The following PAXIP1 variants were observed in gnomAD, a reference collection of about 807,000 sequenced individuals.
The protein encoded by PAXIP1 is PAX interacting protein 1, also known as PAX-interacting protein 1.
PAXIP1 carries 19 observed loss-of-function variants against 140.6 expected under a neutral mutation model. That is an observed-to-expected ratio of 0.14 (90% confidence interval 0.09 to 0.20). The LOEUF (loss-of-function observed/expected upper bound fraction) is 0.20. PAXIP1 is among the 10% of genes least tolerant of loss of function. The pLI, the probability that PAXIP1 is intolerant of heterozygous loss-of-function variation, is 1.00. For synonymous variants in PAXIP1, 442 were observed against 444.6 expected, an observed-to-expected ratio of 0.99 and a Z score of 0.07; for missense variants, 920 against 1,208.6, an observed-to-expected ratio of 0.76 and a Z score of 3.54.
In PAXIP1 at chr7:155,002,850, T is replaced by C; in HGVS notation, c.80A>G (p.Gln27Arg). 2 of 1,386,564 alleles carry C rather than the reference T, an allele frequency of 1.4e-6. No individual in the cohort carries two copies. The highest frequency in any genetic ancestry group is 9.5e-7 in the Non-Finnish European group (1 of 1,050,106). 85.9% of individuals were successfully genotyped at this position (1,386,564 alleles called of 1,614,324 possible). A position where few individuals can be genotyped will look rare whatever the true frequency, so the allele number is the denominator to read the frequency against. The change falls in exon 1 of 21, where the codon CAG becomes CGG. Residue 27 changes from glutamine (Q) to arginine (R), a missense_variant and splice_region_variant. Coordinates refer to ENST00000404141, the MANE Select transcript of PAXIP1 (RefSeq NM_007349.4). ...CCGCGGCAGGGGCGGGCGCGGTACCTGCGGGTCGATGTCGCCCACCGCGTA... is the reference window on the plus strand; with the variant it reads ...CCGCGGCAGGGGCGGGCGCGGTACCCGCGGGTCGATGTCGCCCACCGCGTA... ...KYYAVGDIDPQVIQLLKAGKA... is the reference protein window; with the variant it reads ...KYYAVGDIDPRVIQLLKAGKA...
intron 16 of PAXIP1, chr7:154,949,246 TTCC>T (rs1017166475): frequency 1.5e-4 from 23 of 152,324 alleles, no homozygotes; most frequent in African/African-American, 5.3e-4. Flanking sequence ...CTCCTGCATA[TTCC>T]TCTTCTCTTT....
chr7:155,001,331 G>A (rs1810876478), intron 1 of PAXIP1: 1 of 151,792 alleles, frequency 6.6e-6, no homozygotes, highest in Non-Finnish European at 1.5e-5. Flanking sequence ...AGGAAGGAGG[G>A]GGAAGAGAAA....
At position 154,973,019 on chromosome 7, in the gene PAXIP1, C is replaced by G. The variant is rs555170400; in HGVS notation, c.1074+2677G>C. ...TTTATCCCGCCCACCTGCCTGGACG[C>G]GGATGTGCAGGGACCAGGGCCGGCA... is the stretch of plus-strand genomic sequence containing the variant. On this transcript the variant is annotated intron_variant, in intron 6 of 20. Coordinates refer to ENST00000404141, the MANE Select transcript of PAXIP1 (RefSeq NM_007349.4). The surrounding 1 kb of genome is among the most constrained non-coding windows in gnomAD (Gnocchi z 4.0). Among the ~76,000 whole-genome samples, 1 of 152,228 alleles carries G rather than the reference C, an allele frequency of 6.6e-6. No individual in the cohort carries two copies. Among genetic ancestry groups the G allele is most frequent in the African/African-American group, 2.4e-5 (1 of 41,466 alleles).
intron 2 of PAXIP1, among the ~76,000 whole-genome samples, chr7:154,995,640 ACAG>A (rs1810555142): frequency 6.6e-6 from 1 of 152,202 alleles, no homozygotes; most frequent in Non-Finnish European, 1.5e-5. Flanking sequence ...ACTTGAGGTG[ACAG>A]GTTCGAGACC....
intron 3 of PAXIP1, among the ~76,000 whole-genome samples, chr7:154,992,203 A>G (rs1810363258): frequency 1.3e-5 from 2 of 152,020 alleles, no homozygotes; most frequent in African/African-American, 2.4e-5. Context: ...CCCAGGCTGG[A>G]GCGCAGTGGC....
At chr7:154,945,377 T>C (rs932426581) in intron 20 of PAXIP1, 1 of 237,506 alleles carries the variant, frequency 4.2e-6, no homozygotes, top group Non-Finnish European at 6.8e-6. Context: ...AGGAAAATGT[T>C]TGATAAATGT....
At chr7:155,000,453 C>T (rs1431371509) in intron 1 of PAXIP1, 1 of 152,346 alleles carries the variant, frequency 6.6e-6, no homozygotes, top group African/African-American at 2.4e-5. Flanking sequence ...TTCCCTCCAC[C>T]TGTAAACAGT....
chr7:154,960,743 GAA>G (rs1201083615), intron 12 of PAXIP1, 148 bp downstream of exon 12: 58 of 596,482 alleles, frequency 9.7e-5, no homozygotes, highest in Non-Finnish European at 2.2e-5. Flanking sequence ...GGAGAAAGAA[GAA>G]AGAGTATAGA....
chr7:154,968,868 G>A lies in PAXIP1; in HGVS notation c.1333C>T (p.Pro445Ser), dbSNP rs1809159595. The change falls in exon 7 of 21, where the codon CCG (proline) becomes TCG (serine). Residue 445 changes from proline (P) to serine (S), a missense_variant. By Grantham distance (74) the Pro-to-Ser change is moderately conservative (BLOSUM62 -1). Around this residue, in one of 5 missense-constraint regions of PAXIP1, gnomAD observed 133 missense variants for 88.4 expected, o/e 1.50. Coordinates refer to ENST00000404141, the MANE Select transcript of PAXIP1 (RefSeq NM_007349.4). ...ISQQPYPQQPPHPFSQQQQQQ... is the reference protein window; with the variant it reads ...ISQQPYPQQPSHPFSQQQQQQ... ...TGCTGTTGCTGTGAAAATGGATGCG[G>A]CGGCTGCTGGGGGTAAGGTTGCTGA... is the stretch of plus-strand genomic sequence containing the variant. 1 of 871,586 alleles carries A rather than the reference G, an allele frequency of 1.1e-6. No individual in the cohort carries two copies. Among genetic ancestry groups the A allele is most frequent in the East Asian group, 2.6e-5 (1 of 37,784 alleles). 54.0% of individuals were successfully genotyped at this position (871,586 alleles called of 1,614,324 possible).
In PAXIP1 at chr7:154,954,766, G is replaced by T. The variant is rs192773047; in HGVS notation, c.2653-343C>A. Among the ~76,000 whole-genome samples, 26 of 152,208 alleles carry T rather than the reference G, an allele frequency of 1.7e-4. No individual in the cohort carries two copies. Among genetic ancestry groups the T allele is most frequent in the African/African-American group, 6.3e-4 (26 of 41,532 alleles). ...AAGAGTAAACAGCCAAGACTTCCTA[G>T]GCCAAAACTGGTGTTAATGAAGAAC... On this transcript the variant is annotated intron_variant, in intron 15 of 20. Transcript: ENST00000404141. The surrounding 1 kb of genome is among the most constrained non-coding windows in gnomAD (Gnocchi z 5.1).
At position 154,947,916 on chromosome 7, in the gene PAXIP1, G is replaced by T; in HGVS notation, c.2909C>A (p.Ser970Tyr). 6.2e-7 allele frequency: 1 copy of T among 1,606,734 alleles called. No homozygotes were observed. The highest frequency in any genetic ancestry group is 8.5e-7 in the Non-Finnish European group (1 of 1,173,220). Reference protein sequence around the residue: ...LEESLKRAHVSPLFKAKYFYI... With the variant: ...LEESLKRAHVYPLFKAKYFYI... Reference sequence around the variant, plus strand: ...CTTAAAGTGTACCTTAAAGAGTGGAGAAACGTGTGCCCGTTTTAAGGATTC... The same window carrying T: ...CTTAAAGTGTACCTTAAAGAGTGGATAAACGTGTGCCCGTTTTAAGGATTC... The change falls in exon 17 of 21, where the codon TCT becomes TAT. Residue 970 changes from serine to tyrosine, a missense_variant. Ser to Tyr is a moderately radical substitution (Grantham distance 144, BLOSUM62 -2). Transcript: ENST00000404141.
chr7:154,945,552 G>T (rs1001739642), intron 20 of PAXIP1: 5 of 985,250 alleles, frequency 5.1e-6, no homozygotes, highest in Non-Finnish European at 4.8e-6. Flanking sequence ...AAATTCCCCT[G>T]CTTAAGGAAA....
At chr7:154,961,418 C>A in intron 11 of PAXIP1, 109 bp downstream of exon 11, 1 of 904,940 alleles carries the variant, frequency 1.1e-6, no homozygotes, top group Non-Finnish European at 1.6e-6. Context: ...TTGATTTCCA[C>A]AAATTTCTAC....
In PAXIP1 at chr7:154,962,311, T is replaced by C. The variant is rs758666349; in HGVS notation, c.2127+10A>G. ...GATTTAACAAATGGAACGCGAGGACTCTGTCTTACATGCTGTGAACATGGC... is the reference window on the plus strand; with the variant it reads ...GATTTAACAAATGGAACGCGAGGACCCTGTCTTACATGCTGTGAACATGGC... On this transcript the variant is annotated intron_variant, in intron 10 of 20. Coordinates refer to ENST00000404141, the MANE Select transcript of PAXIP1 (RefSeq NM_007349.4). 2.5e-6 allele frequency: 4 copies of C among 1,612,336 alleles called. No individual in the cohort carries two copies. Among genetic ancestry groups the C allele is most frequent in the Non-Finnish European group, 3.4e-6 (4 of 1,179,174 alleles).
At chr7:154,981,752 G>C (rs1255732700) in intron 5 of PAXIP1, among the ~76,000 whole-genome samples, 2 of 152,054 alleles carry the variant, frequency 1.3e-5, no homozygotes, top group Non-Finnish European at 2.9e-5. Context: ...TTTATATATA[G>C]ACCTTATGAC....
At position 154,956,628 on chromosome 7, in the gene PAXIP1, C is replaced by G. The variant is rs1016646803; in HGVS notation, c.2549+596G>C. ...TGCATCTCAATCTGCATACTCCAAG[C>G]CAAAACCCAACATGCCATATGCATT... On this transcript the variant is annotated intron_variant, in intron 14 of 20. Coordinates refer to ENST00000404141, the MANE Select transcript of PAXIP1 (RefSeq NM_007349.4). The surrounding 1 kb of genome is among the most constrained non-coding windows in gnomAD (Gnocchi z 4.2). 1 of 152,270 alleles carries G rather than the reference C, an allele frequency of 6.6e-6. No individual in the cohort carries two copies. Among genetic ancestry groups the G allele is most frequent in the African/African-American group, 2.4e-5 (1 of 41,454 alleles). The allele number at this position is 152,270 out of a possible 1,614,324, so 9.4% of individuals were successfully genotyped here.
At chr7:154,960,610 G>A (rs1460355328) in intron 12 of PAXIP1, among the ~76,000 whole-genome samples, 1 of 152,132 alleles carries the variant, frequency 6.6e-6, no homozygotes, top group African/African-American at 2.4e-5. Context: ...CCAGGAGATC[G>A]AGCTGCAGTG....
chr7:154,974,558 C>T (rs1809479693), intron 6 of PAXIP1: 1 of 152,198 alleles, frequency 6.6e-6, no homozygotes, highest in South Asian at 2.1e-4. Flanking sequence ...ATGGCCTCTC[C>T]TTGTCATTCA....
intron 16 of PAXIP1, among the ~76,000 whole-genome samples, chr7:154,953,515 A>C (rs879804262): frequency 6.6e-6 from 1 of 152,132 alleles, no homozygotes; most frequent in Non-Finnish European, 1.5e-5. Flanking sequence ...GACAGGGCCC[A>C]GGGGAGGATG....
Sources: allele counts gnomAD v4.1 joint callset (sites outside exome capture counted in the v4.1 genomes callset), GRCh38; gene constraint gnomAD v4.1.1; regional missense constraint gnomAD v4.1.1; non-coding constraint Gnocchi (gnomAD v3.1); transcripts MANE v1.5; gene names NCBI Gene and HGNC (gene_info 2026-07-23, HGNC 2026-07-21).